RHOBTB1: variants seen among roughly 807,000 people sequenced by gnomAD.
The protein encoded by RHOBTB1 is Rho related BTB domain containing 1, also known as rho-related BTB domain-containing protein 1.
RHOBTB1 carries 40 observed loss-of-function variants against 71.6 expected under a neutral mutation model. That is an observed-to-expected ratio of 0.56 (90% confidence interval 0.43 to 0.73). The LOEUF (loss-of-function observed/expected upper bound fraction) is 0.73, where lower values mean the gene tolerates loss of function less well. Ranked by LOEUF, RHOBTB1 falls within the 30% of genes least tolerant of loss-of-function variation. The probability of loss-of-function intolerance (pLI) is 0.00; values close to 1 mark genes in which losing one functional copy is unlikely to be tolerated. For missense variants in RHOBTB1, 797 were observed against 894.0 expected (o/e 0.89, Z 1.38); for synonymous variants, 319 against 334.9 (o/e 0.95, Z 0.52).
chr10:60,966,836 C>A (rs940118315), intron 2 of RHOBTB1, among the ~76,000 whole-genome samples: 3 of 146,940 alleles, frequency 2.0e-5, no homozygotes, highest in Non-Finnish European at 3.0e-5. Flanking sequence ...ATCCCTCCCC[C>A]CTCCCCCCAC....
intron 2 of RHOBTB1, among the ~76,000 whole-genome samples, chr10:60,951,315 A>T (rs191353290): frequency 6.1e-5 from 9 of 148,506 alleles, no homozygotes; most frequent in Admixed American, 2.7e-4. Context: ...CTTAATTGGC[A>T]CCACCACTCC....
intron 2 of RHOBTB1, among the ~76,000 whole-genome samples, chr10:60,970,242 C>T (rs938209735): frequency 1.3e-4 from 20 of 151,954 alleles, no homozygotes; most frequent in African/African-American, 4.6e-4. Flanking sequence ...TCCAATTTTG[C>T]TTATTATATT....
intron 4 of RHOBTB1, among the ~76,000 whole-genome samples, chr10:60,909,782 A>G (rs1314480722): frequency 3.9e-5 from 6 of 152,212 alleles, no homozygotes. Context: ...AGGGGACATT[A>G]AAATCGTGTT....
chr10:60,959,225 C>T (rs1351457771), intron 2 of RHOBTB1, among the ~76,000 whole-genome samples: 1 of 152,114 alleles, frequency 6.6e-6, no homozygotes, highest in African/African-American at 2.4e-5. Flanking sequence ...AAAGACATGG[C>T]CACATATTTG....
At chr10:60,936,076 A>T (rs1450950228) in intron 2 of RHOBTB1, among the ~76,000 whole-genome samples, 1 of 152,254 alleles carries the variant, frequency 6.6e-6, no homozygotes. Context: ...GTACATTTGA[A>T]AAATATTCTT....
At chr10:60,891,511 AT>A (rs2081918528) in intron 5 of RHOBTB1, among the ~76,000 whole-genome samples, 1 of 150,236 alleles carries the variant, frequency 6.7e-6, no homozygotes, top group African/African-American at 2.4e-5. Flanking sequence ...TGGCTGATTT[AT>A]TTTTATTTTT....
chr10:60,882,156 A>C (rs2081355482), intron 7 of RHOBTB1, among the ~76,000 whole-genome samples: 2 of 152,074 alleles, frequency 1.3e-5, no homozygotes, highest in South Asian at 4.1e-4. Context: ...TAAATAATGG[A>C]ATCAAAAAAT....
At chr10:60,996,978 A>T (rs1418218673) in intron 1 of RHOBTB1, among the ~76,000 whole-genome samples, 1 of 151,304 alleles carries the variant, frequency 6.6e-6, no homozygotes, top group Non-Finnish European at 1.5e-5. Flanking sequence ...ACTACTTATC[A>T]ATTTATTTTT....
At chr10:60,978,124 A>C (rs1475257712) in intron 2 of RHOBTB1, among the ~76,000 whole-genome samples, 1 of 152,186 alleles carries the variant, frequency 6.6e-6, no homozygotes, top group Admixed American at 6.6e-5. Flanking sequence ...GTACTAATTC[A>C]GATTCAACAC....
At chr10:60,996,133 T>C (rs1012901016) in intron 1 of RHOBTB1, among the ~76,000 whole-genome samples, 3 of 152,184 alleles carry the variant, frequency 2.0e-5, no homozygotes, top group Non-Finnish European at 4.4e-5. Context: ...CCAGGCTGAT[T>C]GACTCTGGAG....
At chr10:60,865,243 T>C (rs2080631527), downstream of RHOBTB1, among the ~76,000 whole-genome samples, 1 of 152,224 alleles carries the variant, frequency 6.6e-6, no homozygotes, top group Non-Finnish European at 1.5e-5. Flanking sequence ...AAATTTGTAC[T>C]GGAAGCTTAC....
downstream of RHOBTB1, among the ~76,000 whole-genome samples, chr10:60,866,547 G>C (rs1000781504): frequency 3.3e-5 from 5 of 152,098 alleles, no homozygotes; most frequent in Non-Finnish European, 2.9e-5. Flanking sequence ...GCACTGAGAA[G>C]CATGGCTAAC....
intron 3 of RHOBTB1, 73 bp downstream of exon 3, chr10:60,911,278 C>A: frequency 7.1e-7 from 1 of 1,417,180 alleles, no homozygotes. Flanking sequence ...CACGCTCCTC[C>A]TTTAGAAAAA....
intron 2 of RHOBTB1, among the ~76,000 whole-genome samples, chr10:60,917,149 C>T (rs1379494494): frequency 6.6e-6 from 1 of 152,212 alleles, no homozygotes; most frequent in Non-Finnish European, 1.5e-5. Context: ...ACGTTTGTTA[C>T]AGCAGCAATA....
At chr10:60,878,247 C>T (rs1436182292) in intron 7 of RHOBTB1, among the ~76,000 whole-genome samples, 189 bp from the exon 8 acceptor site, 1 of 152,162 alleles carries the variant, frequency 6.6e-6, no homozygotes, top group Non-Finnish European at 1.5e-5. Flanking sequence ...TTGTAGTTGA[C>T]AAAAGAGTGG....
chr10:60,929,431 C>T (rs987873824), intron 2 of RHOBTB1, among the ~76,000 whole-genome samples: 1 of 152,052 alleles, frequency 6.6e-6, no homozygotes, highest in Non-Finnish European at 1.5e-5. Context: ...ATCAAAGACT[C>T]AGGTCAAAAA....
intron 2 of RHOBTB1, among the ~76,000 whole-genome samples, chr10:60,982,104 C>T (rs2086515685): frequency 6.6e-6 from 1 of 152,130 alleles, no homozygotes; most frequent in South Asian, 2.1e-4. Flanking sequence ...TTTTCTATTT[C>T]TTCCAATTTC....
Position 60,906,484 on chromosome 10 carries a change from C to T in RHOBTB1, c.296+4403G>A, listed in dbSNP as rs74155411. ...TTTTGTCATCCATCATCATCACAAA[C>T]TACAACAGCATGGTGGATGGGGAAG... On this transcript the variant is annotated intron_variant, in intron 4 of 10. Transcript: ENST00000337910. Among the ~76,000 whole-genome samples, 1,509 of 152,336 alleles carry T rather than the reference C, an allele frequency of 9.9e-3. 18 individuals are homozygous for T. Among genetic ancestry groups the T allele is most frequent in the African/African-American group, 0.034 (1,418 of 41,572 alleles).
rs1321584821 is a variant in RHOBTB1, at chr10:60,925,521, G to A, written c.-10-13969C>T. ...AAACAACCTTATAATATATCGTAAA[G>A]AACTAGAAAAGCAAGAGCAAACTAA... On this transcript the variant is annotated intron_variant, in intron 2 of 10. Coordinates refer to ENST00000337910, the MANE Select transcript of RHOBTB1 (RefSeq NM_014836.5). Among the ~76,000 whole-genome samples the A allele has an allele frequency of 1.2e-4, 18 of 151,806 alleles. 1 individual carries two copies. The highest frequency in any genetic ancestry group is 1.2e-3 in the Admixed American group (18 of 15,256).
Sources: gnomAD v4.1 joint callset for allele counts (sites outside exome capture counted in the v4.1 genomes callset) on GRCh38, gnomAD v4.1.1 for gene constraint, MANE v1.5 for transcripts, NCBI Gene and HGNC (gene_info 2026-07-23, HGNC 2026-07-21) for gene names.